The following LRIG1 variants were observed in gnomAD, a reference collection of about 807,000 sequenced individuals.
LRIG1 encodes the protein leucine-rich repeats and immunoglobulin-like domains protein 1.
LRIG1 carries 48 observed loss-of-function variants against 99.2 expected under a neutral mutation model. That is an observed-to-expected ratio of 0.48 (90% CI 0.38 to 0.62). The LOEUF (loss-of-function observed/expected upper bound fraction) is 0.62, where lower values mean the gene tolerates loss of function less well. Among genes scored for constraint, LRIG1 ranks in the 20% least tolerant of loss-of-function variants. The pLI is 0.00. For missense variants in LRIG1, 1,646 were observed against 1,434.4 expected, an observed-to-expected ratio of 1.15 and a Z score of -2.38; for synonymous variants, 772 against 596.1, an observed-to-expected ratio of 1.29 and a Z score of -4.30.
intron 2 of LRIG1, among the ~76,000 whole-genome samples, chr3:66,456,460 C>T (rs1352385279): frequency 6.6e-6 from 1 of 151,704 alleles, no homozygotes; most frequent in East Asian, 1.9e-4. Flanking sequence ...GTAGTTCCAG[C>T]TACTCAGGAG....
At chr3:66,393,284 G>A (rs528630886) in intron 12 of LRIG1, among the ~76,000 whole-genome samples, 1 of 152,344 alleles carries the variant, frequency 6.6e-6, no homozygotes, top group East Asian at 1.9e-4. Flanking sequence ...CACCTGCCCA[G>A]CAGTTCCAGT....
At chr3:66,438,169 G>A (rs908172936) in intron 3 of LRIG1, among the ~76,000 whole-genome samples, 8 of 152,176 alleles carry the variant, frequency 5.3e-5, no homozygotes, top group African/African-American at 1.9e-4. Context: ...GCAGGGCCCA[G>A]ATTTGGCACC....
intron 1 of LRIG1, among the ~76,000 whole-genome samples, chr3:66,477,734 A>C (rs1179654290): frequency 2.0e-5 from 3 of 152,144 alleles, no homozygotes; most frequent in Non-Finnish European, 2.9e-5. Context: ...AGATGTTATC[A>C]TCAGAGCCAG....
chr3:66,469,907 C>CAAAAAA (rs55768550), intron 1 of LRIG1, among the ~76,000 whole-genome samples: 6 of 115,724 alleles, frequency 5.2e-5, no homozygotes, highest in Admixed American at 9.7e-5. Context: ...CTGTCCCTAC[C>CAAAAAA]AAAAAAAAAA....
chr3:66,411,619 G>C (rs1357165522), intron 6 of LRIG1, among the ~76,000 whole-genome samples: 2 of 152,212 alleles, frequency 1.3e-5, no homozygotes, highest in Admixed American at 1.3e-4. Context: ...TGGTCATGCA[G>C]AGACGGTTAT....
chr3:66,407,519 C>G lies in LRIG1; in HGVS notation c.936-28G>C, dbSNP rs576797993. On this transcript the variant is annotated intron_variant, in intron 7 of 18. Coordinates refer to ENST00000273261, the MANE Select transcript of LRIG1 (RefSeq NM_015541.3). ...GAGGAAAGGGAGGGCAGCAATGTCA[C>G]CATCTAGTGTGGTTGCCCCCCAACC... is the stretch of plus-strand genomic sequence containing the variant. 1.9e-6 allele frequency: 3 copies of G among 1,610,954 alleles called. No individual in the cohort carries two copies. In the African/African-American group the frequency reaches 4.0e-5, roughly 21 times the overall value.
chr3:66,412,851 G>A lies in LRIG1; in HGVS notation c.791+20C>T. On this transcript the variant is annotated intron_variant, in intron 6 of 18. Coordinates refer to ENST00000273261, the MANE Select transcript of LRIG1 (RefSeq NM_015541.3). ...CGCACAGCAATCCTTAGCAATGCCA[G>A]TAACCTGGTCCGCACTTACAGCACA... is the stretch of plus-strand genomic sequence containing the variant. 2 of 1,613,448 alleles carry A rather than the reference G, an allele frequency of 1.2e-6. No homozygotes were observed. Among genetic ancestry groups the A allele is most frequent in the Non-Finnish European group, 8.5e-7 (1 of 1,179,644 alleles).
intron 3 of LRIG1, among the ~76,000 whole-genome samples, chr3:66,444,710 G>C (rs1703658566): frequency 6.6e-6 from 1 of 152,202 alleles, no homozygotes; most frequent in Admixed American, 6.5e-5. Context: ...AGCCCTACAG[G>C]TGGTCTACCA....
intron 12 of LRIG1, among the ~76,000 whole-genome samples, chr3:66,391,455 G>T (rs7645176): frequency 0.31 from 47,445 of 152,068 alleles, 8,625 homozygotes; most frequent in African/African-American, 0.5. Context: ...ATTCAGCCAT[G>T]AAAAACAGGA....
chr3:66,383,928 T>G, intron 14 of LRIG1, 63 bp downstream of exon 14: 1 of 1,560,592 alleles, frequency 6.4e-7, no homozygotes. Flanking sequence ...ACAGAGCATT[T>G]GAGAGTCTCT....
At chr3:66,499,301 C>A (rs1701299413) in intron 1 of LRIG1, among the ~76,000 whole-genome samples, 1 of 152,198 alleles carries the variant, frequency 6.6e-6, no homozygotes, top group African/African-American at 2.4e-5. Flanking sequence ...CAGAAAAGAA[C>A]CTCTTTCGGG....
At chr3:66,399,638 C>T (rs1483371416) in intron 9 of LRIG1, among the ~76,000 whole-genome samples, 2 of 152,214 alleles carry the variant, frequency 1.3e-5, no homozygotes, top group Non-Finnish European at 1.5e-5. Context: ...CATGGAGACA[C>T]GCACCAGTAG....
rs774780883 is a variant in LRIG1, at chr3:66,394,006, T to C, written c.1468+34A>G. ...TACCTCCTGGCTTCCTTGTCCTTCA[T>C]GAAGGAGAGAAAAAGTTACAAAGAC... On this transcript the variant is annotated intron_variant, in intron 12 of 18. Transcript: ENST00000273261. 1.9e-6 allele frequency: 3 copies of C among 1,610,986 alleles called. No homozygotes were observed. The African/African-American group carries it at 4.0e-5, about 22-fold the overall frequency.
chr3:66,385,211 G>T (rs1372384333), intron 13 of LRIG1, among the ~76,000 whole-genome samples: 1 of 152,088 alleles, frequency 6.6e-6, no homozygotes, highest in Non-Finnish European at 1.5e-5. Context: ...GCTGGTTAAT[G>T]AGTAAAAACC....
chr3:66,386,389 G>A, intron 12 of LRIG1, 88 bp from the exon 13 acceptor site: 2 of 1,141,704 alleles, frequency 1.8e-6, no homozygotes, highest in South Asian at 1.4e-5. Context: ...AACTGACACA[G>A]ACACCAAGCA....
At chr3:66,420,614 A>G (rs1702775473) in intron 3 of LRIG1, among the ~76,000 whole-genome samples, 1 of 152,362 alleles carries the variant, frequency 6.6e-6, no homozygotes, top group African/African-American at 2.4e-5. Context: ...CCTTAAAAAG[A>G]AAAGAAATTC....
At chr3:66,446,933 T>G (rs1271732282) in intron 3 of LRIG1, among the ~76,000 whole-genome samples, 1 of 82,422 alleles carries the variant, frequency 1.2e-5, no homozygotes, top group Non-Finnish European at 2.2e-5. Context: ...TGAAGGAGTA[T>G]GGGGTTTTTT....
intron 1 of LRIG1, among the ~76,000 whole-genome samples, chr3:66,485,124 C>T (rs1339920805): frequency 6.7e-6 from 1 of 148,438 alleles, no homozygotes; most frequent in Non-Finnish European, 1.5e-5. Context: ...CACCACTGTA[C>T]TCCAACCTGG....
Position 66,407,474 on chromosome 3 carries a change from T to C in LRIG1, c.953A>G (p.Asn318Ser), listed in dbSNP as rs1386783593. ...GCTCTCCTCGTCCAGCCGTGTCAGG[T>C]TGTTGAAGGACAGGACCCTGAGGAA... is the stretch of plus-strand genomic sequence containing the variant. ...KLHELVLSFNNLTRLDEESLA... is the reference protein window; with the variant it reads ...KLHELVLSFNSLTRLDEESLA... Residue 318 changes from asparagine (N) to serine (S), a missense_variant, in exon 8 of 19, where the codon AAC becomes AGC. By Grantham distance (46) the Asn-to-Ser change is conservative (BLOSUM62 1). Transcript: ENST00000273261. 7.4e-6 allele frequency: 12 copies of C among 1,613,718 alleles called. No individual in the cohort carries two copies. The South Asian group carries it at 9.9e-5, about 13-fold the overall frequency.
Sources: allele counts gnomAD v4.1 joint callset (sites outside exome capture counted in the v4.1 genomes callset), GRCh38; gene constraint gnomAD v4.1.1; transcripts MANE v1.5; gene names NCBI Gene and HGNC (gene_info 2026-07-23, HGNC 2026-07-21).